The following FHIT variants were observed in gnomAD, a reference collection of about 807,000 sequenced individuals.
The protein encoded by FHIT is bis(5'-adenosyl)-triphosphatase.
Under a neutral mutation model 17.9 loss-of-function variants are expected in FHIT, and 19 were observed. The ratio of observed to expected loss-of-function variants is 1.06; its 90% CI spans 0.74 to 1.56. The LOEUF is 1.56. Ranked by LOEUF, FHIT falls within the 40% of genes most tolerant of loss-of-function variation. The pLI, the probability that FHIT is intolerant of heterozygous loss-of-function variation, is 0.00. For synonymous variants in FHIT, 81 were observed against 69.7 expected, an observed-to-expected ratio of 1.16 and a Z score of -0.81; for missense variants, 248 against 189.2, an observed-to-expected ratio of 1.31 and a Z score of -1.82.
chr3:60,003,164 A>C (rs1699791983), intron 7 of FHIT, among the ~76,000 whole-genome samples: 1 of 152,162 alleles, frequency 6.6e-6, no homozygotes, highest in African/African-American at 2.4e-5. Flanking sequence ...AAAACACTGT[A>C]AAGCCGAAAC....
intron 5 of FHIT, among the ~76,000 whole-genome samples, chr3:60,091,314 G>T (rs12636241): frequency 2.6e-5 from 4 of 152,222 alleles, no homozygotes; most frequent in Non-Finnish European, 4.4e-5. Flanking sequence ...TTATAAAGAG[G>T]AAGGGTCTTT....
At chr3:61,163,518 T>C (rs2037754828) in intron 2 of FHIT, among the ~76,000 whole-genome samples, 2 of 152,190 alleles carry the variant, frequency 1.3e-5, no homozygotes, top group Admixed American at 6.5e-5. Context: ...GGAAAGTCTC[T>C]CTGACCTTCT....
chr3:59,767,006 A>C (rs1361942529), intron 8 of FHIT, among the ~76,000 whole-genome samples: 1 of 152,188 alleles, frequency 6.6e-6, no homozygotes, highest in Non-Finnish European at 1.5e-5. Flanking sequence ...ATTTCTTTTA[A>C]ATCAAGAAAA....
intron 5 of FHIT, among the ~76,000 whole-genome samples, chr3:60,433,676 G>T (rs1201013673): frequency 6.6e-6 from 1 of 152,084 alleles, no homozygotes; most frequent in Non-Finnish European, 1.5e-5. Flanking sequence ...ATTAGTAATG[G>T]TGAACATCAT....
chr3:60,508,917 T>A (rs1224070602), intron 5 of FHIT, among the ~76,000 whole-genome samples: 1 of 152,148 alleles, frequency 6.6e-6, no homozygotes, highest in Non-Finnish European at 1.5e-5. Context: ...ACCTGGCTGA[T>A]GAAGTAAAGA....
At chr3:60,177,247 T>C (rs1235281387) in intron 5 of FHIT, among the ~76,000 whole-genome samples, 1 of 142,418 alleles carries the variant, frequency 7.0e-6, no homozygotes, top group Admixed American at 7.0e-5. Flanking sequence ...GTCAGGGAAA[T>C]AATACAATAA....
intron 7 of FHIT, among the ~76,000 whole-genome samples, chr3:59,950,722 T>A (rs1444485827): frequency 1.3e-5 from 2 of 152,206 alleles, no homozygotes; most frequent in Non-Finnish European, 2.9e-5. Context: ...ATGTACATTA[T>A]GTTCTCTGGG....
intron 4 of FHIT, among the ~76,000 whole-genome samples, chr3:60,635,699 C>T (rs782469443): frequency 5.9e-5 from 9 of 152,142 alleles, no homozygotes; most frequent in Non-Finnish European, 1.2e-4. Flanking sequence ...TTGCCTAAGA[C>T]TGCATAGTAA....
At chr3:59,963,138 C>T (rs906886071) in intron 7 of FHIT, among the ~76,000 whole-genome samples, 12 of 152,016 alleles carry the variant, frequency 7.9e-5, no homozygotes, top group Non-Finnish European at 1.6e-4. Context: ...TGGTGGCAGG[C>T]ACCTGTAGTC....
intron 5 of FHIT, among the ~76,000 whole-genome samples, chr3:60,132,957 C>G (rs1019815518): frequency 6.6e-6 from 1 of 151,870 alleles, no homozygotes. Context: ...AAATGACATA[C>G]TGAAATAGCA....
chr3:60,226,720 T>G (rs9880343), intron 5 of FHIT, among the ~76,000 whole-genome samples: 92,797 of 151,782 alleles, frequency 0.61, 30,439 homozygotes, highest in African/African-American at 0.87. Flanking sequence ...ACTTATGGGG[T>G]CACATGGATG....
At chr3:59,876,426 A>G (rs3100804) in intron 8 of FHIT, among the ~76,000 whole-genome samples, 148,099 of 152,216 alleles carry the variant, frequency 0.97, 72,106 homozygotes, top group East Asian at 1. Context: ...GGCCACTGGG[A>G]CAGGGGCAGG....
chr3:60,328,921 G>A (rs1709830166), intron 5 of FHIT, among the ~76,000 whole-genome samples: 1 of 152,102 alleles, frequency 6.6e-6, no homozygotes, highest in Non-Finnish European at 1.5e-5. Context: ...ACACACTGAT[G>A]GATAACCATA....
intron 7 of FHIT, among the ~76,000 whole-genome samples, chr3:59,979,438 T>A (rs1463480569): frequency 1.3e-5 from 2 of 152,214 alleles, no homozygotes; most frequent in East Asian, 3.9e-4. Context: ...ATGTCTAGAG[T>A]GGAGACCTTA....
intron 5 of FHIT, among the ~76,000 whole-genome samples, chr3:60,458,420 A>G (rs2032247649): frequency 7.5e-6 from 1 of 132,684 alleles, no homozygotes; most frequent in Admixed American, 7.8e-5. Context: ...ATCACACACC[A>G]CACACAGGGG....
At chr3:61,152,355 G>A (rs888153365) in intron 2 of FHIT, among the ~76,000 whole-genome samples, 2 of 152,194 alleles carry the variant, frequency 1.3e-5, no homozygotes, top group Non-Finnish European at 1.5e-5. Flanking sequence ...CTGAACTTTT[G>A]CTGATAAAAA....
At position 60,942,709 on chromosome 3, in the gene FHIT, T is replaced by A. The variant is rs369651010; in HGVS notation, c.-111+99338A>T. On this transcript the variant is annotated intron_variant, in intron 3 of 9. Coordinates refer to ENST00000492590, the MANE Select transcript of FHIT (RefSeq NM_002012.4). ...TTGTATTCTATTTCATTTTTGGTAA[T>A]ATTTTTGTATTATTCCTTCCCTCTA... 2.0e-5 allele frequency among the ~76,000 whole-genome samples: 3 copies of A among 152,288 alleles called. No homozygotes were observed. In the East Asian group the frequency reaches 5.8e-4, roughly 29 times the overall value.
chr3:60,418,166 A>T (rs35102526), intron 5 of FHIT, among the ~76,000 whole-genome samples: 38,307 of 151,690 alleles, frequency 0.25, 6,267 homozygotes, highest in Non-Finnish European at 0.36. Flanking sequence ...AACTGTATTT[A>T]GATGGCAGAA....
chr3:60,368,023 C>T (rs1238953444), intron 5 of FHIT, among the ~76,000 whole-genome samples: 1 of 151,988 alleles, frequency 6.6e-6, no homozygotes, highest in African/African-American at 2.4e-5. Context: ...AAATGAAAAT[C>T]CAACATTTTA....
Sources: gnomAD v4.1 joint callset for allele counts (sites outside exome capture counted in the v4.1 genomes callset) on GRCh38, gnomAD v4.1.1 for gene constraint, MANE v1.5 for transcripts, NCBI Gene and HGNC (gene_info 2026-07-23, HGNC 2026-07-21) for gene names.